The following ADGRG6 variants were observed in gnomAD, a reference collection of about 807,000 sequenced individuals.
ADGRG6 encodes G-protein coupled receptor 126.
Under a neutral mutation model 142.4 loss-of-function variants are expected in ADGRG6, and 84 were observed. The observed-to-expected ratio is 0.59, with a 90% CI of 0.49 to 0.71. ADGRG6 has a LOEUF of 0.71. ADGRG6 is among the 30% of genes least tolerant of loss of function. ADGRG6 has a pLI of 0.00. For missense variants in ADGRG6, 1,367 were observed against 1,466.6 expected, an observed-to-expected ratio of 0.93 and a Z score of 1.11; for synonymous variants, 521 against 520.5, an observed-to-expected ratio of 1.00 and a Z score of -0.01.
At chr6:142,347,629 A>C (rs995618347) in intron 2 of ADGRG6, among the ~76,000 whole-genome samples, 1 of 152,048 alleles carries the variant, frequency 6.6e-6, no homozygotes, top group Non-Finnish European at 1.5e-5. Context: ...ACTTGGGTGG[A>C]TATTACTATT....
At chr6:142,363,811 A>C (rs1039006602) in intron 2 of ADGRG6, among the ~76,000 whole-genome samples, 19 of 152,188 alleles carry the variant, frequency 1.2e-4, no homozygotes, top group African/African-American at 4.3e-4. Flanking sequence ...TGACTACTCC[A>C]AATTGGAAAA....
chr6:142,431,011 ATTACAATTAAAATGTTATTTATT>A, intron 22 of ADGRG6, among the ~76,000 whole-genome samples: 1 of 152,144 alleles, frequency 6.6e-6, no homozygotes, highest in East Asian at 1.9e-4. Context: ...CCCTTTCTCC[ATTACAATTAAAATGTTATTTATT>A]TTAAATGAGG....
intron 18 of ADGRG6, among the ~76,000 whole-genome samples, chr6:142,412,065 A>G (rs1267632725): frequency 6.6e-6 from 1 of 152,092 alleles, no homozygotes; most frequent in African/African-American, 2.4e-5. Flanking sequence ...CAGCTTGCCA[A>G]ACAGTTTTAA....
chr6:142,397,625 G>A lies in ADGRG6; in HGVS notation c.1437G>A (p.Trp479Ter). ...SLEDEPRLVL[W>*]ALLVYNATNN... The stretch of plus-strand genomic sequence containing the variant: ...AATGTTTCCCTAGGTTGGTGCTTTG[G>A]GCCCTTCTAGTTTACAATGCTACCA... The change falls in exon 10 of 25, where the codon TGG (tryptophan) becomes TGA (stop). Residue 479 changes from tryptophan to a stop codon, truncating the protein, a stop_gained. Coordinates refer to ENST00000367609, the MANE Select transcript of ADGRG6 (RefSeq NM_198569.3). LOFTEE classifies it high-confidence loss of function. 1 of 1,608,334 alleles carries A rather than the reference G, an allele frequency of 6.2e-7. No homozygotes were observed. The highest frequency in any genetic ancestry group is 8.5e-7 in the Non-Finnish European group (1 of 1,177,794).
At chr6:142,371,034 A>G in intron 4 of ADGRG6, 1 of 445,072 alleles carries the variant, frequency 2.2e-6, no homozygotes, top group South Asian at 3.4e-5. Context: ...TGGTTTTACC[A>G]TTCTTAAGTT....
chr6:142,373,881 CT>C (rs769498618), intron 4 of ADGRG6, among the ~76,000 whole-genome samples: 1,347 of 93,848 alleles, frequency 0.014, 11 homozygotes, highest in African/African-American at 0.03. Context: ...TTTTTCTTTT[CT>C]TTTTTTTTTT....
At chr6:142,355,988 A>G (rs1214702745) in intron 2 of ADGRG6, among the ~76,000 whole-genome samples, 1 of 152,220 alleles carries the variant, frequency 6.6e-6, no homozygotes, top group Non-Finnish European at 1.5e-5. Context: ...GTTGAAAGAT[A>G]GGAAGTTGAG....
Position 142,438,234 on chromosome 6 carries a change from T to G in ADGRG6, c.3444T>G (p.Asn1148Lys). 6 of 1,601,140 alleles carry G rather than the reference T, an allele frequency of 3.7e-6. No individual in the cohort carries two copies. Among genetic ancestry groups the G allele is most frequent in the Non-Finnish European group, 5.1e-6 (6 of 1,172,680 alleles). The change falls in exon 24 of 25, where the codon AAT (asparagine) becomes AAG (lysine). Residue 1148 changes from asparagine to lysine, a missense_variant. Transcript: ENST00000367609. ...CAGATTGGAGTAAGACAGCTACCAA[T>G]ATCATCAAGAAAAGTTCTGATAATC... ...DNSDWSKTAT[N>K]IIKKSSDNLG...
chr6:142,347,471 G>A (rs1779964220), intron 2 of ADGRG6, among the ~76,000 whole-genome samples: 1 of 152,142 alleles, frequency 6.6e-6, no homozygotes, highest in Non-Finnish European at 1.5e-5. Flanking sequence ...TGATCTGAGT[G>A]TGAATTAGAA....
rs759222863 is a variant in ADGRG6 at position 142,370,556 on chromosome 6, G to A, written c.832G>A (p.Asp278Asn). Residue 278 changes from aspartate (D) to asparagine (N), a missense_variant, in exon 4 of 25, where the codon GAT becomes AAT. Physicochemically the swap from Asp to Asn is conservative, Grantham distance 23 (BLOSUM62 1). Around this residue, in one of 3 missense-constraint regions of ADGRG6, gnomAD observed 737 missense variants for 746.5 expected, o/e 0.99. Transcript: ENST00000367609. ...AAGAAACTATGAAACAGTTCCATGT[G>A]ATTCTACCATTAGTAAAGTTATTCC... is the stretch of plus-strand genomic sequence containing the variant. ...FKRNYETVPC[D>N]STISKVIPGN... 1 of 1,612,952 alleles carries A rather than the reference G, an allele frequency of 6.2e-7. No homozygotes were observed. The highest frequency in any genetic ancestry group is 8.5e-7 in the Non-Finnish European group (1 of 1,179,162).
At chr6:142,416,346 G>A (rs1227582610) in intron 20 of ADGRG6, among the ~76,000 whole-genome samples, 7 of 152,144 alleles carry the variant, frequency 4.6e-5, no homozygotes, top group Non-Finnish European at 1.0e-4. Context: ...GCCCACCCAA[G>A]TCTGAAGAAG....
intron 4 of ADGRG6, among the ~76,000 whole-genome samples, chr6:142,377,393 C>A (rs1781552867): frequency 6.6e-6 from 1 of 152,234 alleles, no homozygotes; most frequent in Admixed American, 6.5e-5. Flanking sequence ...CCCGTGGCTC[C>A]ACCCACCTCC....
chr6:142,391,233 T>TC (rs2114972908), intron 7 of ADGRG6, among the ~76,000 whole-genome samples: 1 of 147,000 alleles, frequency 6.8e-6, no homozygotes, highest in African/African-American at 2.7e-5. Context: ...ATTTTTTCTA[T>TC]TATTTCATTT....
chr6:142,305,509 A>G (rs1039896394), intron 1 of ADGRG6, among the ~76,000 whole-genome samples: 1 of 151,092 alleles, frequency 6.6e-6, no homozygotes, highest in African/African-American at 2.4e-5. Flanking sequence ...TTGTATGCAT[A>G]AGGGCTTAAG....
At chr6:142,373,881 C>CTTTTTTTTTTTTTTTTTTTTTT (rs769498618) in intron 4 of ADGRG6, among the ~76,000 whole-genome samples, 4 of 93,866 alleles carry the variant, frequency 4.3e-5, no homozygotes, top group Non-Finnish European at 6.6e-5. Context: ...TTTTTCTTTT[C>CTTTTTTTTTTTTTTTTTTTTTT]TTTTTTTTTT....
At chr6:142,358,523 G>A (rs921035215) in intron 2 of ADGRG6, among the ~76,000 whole-genome samples, 8 of 152,188 alleles carry the variant, frequency 5.3e-5, no homozygotes, top group African/African-American at 2.4e-5. Context: ...TCATTTGTCA[G>A]GTCCTTAGAA....
rs1348295764 is a variant in ADGRG6 at position 142,390,821 on chromosome 6, C to A, written c.1308+478C>A. Among the ~76,000 whole-genome samples the A allele has an allele frequency of 2.6e-5, 4 of 151,876 alleles. No individual in the cohort carries two copies. In the East Asian group the frequency reaches 5.8e-4, roughly 22 times the overall value. On this transcript the variant is annotated intron_variant, in intron 7 of 24. Transcript: ENST00000367609. The stretch of plus-strand genomic sequence containing the variant: ...CACTATTAGTTTTCTCCGCTTTTTT[C>A]CAGATTTCTTTGTGCACATGAAAGA...
chr6:142,324,051 C>G (rs1778645179), intron 2 of ADGRG6, among the ~76,000 whole-genome samples: 1 of 152,076 alleles, frequency 6.6e-6, no homozygotes, highest in Non-Finnish European at 1.5e-5. Flanking sequence ...TCTCTTCCCT[C>G]CAGACTTCTT....
At position 142,415,764 on chromosome 6, in the gene ADGRG6, T is replaced by C. The variant is rs932047658; in HGVS notation, c.2670-32T>C. 7 of 1,522,444 alleles carry C rather than the reference T, an allele frequency of 4.6e-6. No homozygotes were observed. The African/African-American group carries it at 9.6e-5, about 21-fold the overall frequency. 94.3% of individuals were successfully genotyped at this position (1,522,444 alleles called of 1,614,324 possible). A position where few individuals can be genotyped will look rare whatever the true frequency, so the allele number is the denominator to read the frequency against. On this transcript the variant is annotated intron_variant, in intron 19 of 24. Coordinates refer to ENST00000367609, the MANE Select transcript of ADGRG6 (RefSeq NM_198569.3). ...TTAAAAGATTGATATACAGTATTAG[T>C]TCTCTCATAGATTCCTTTTTTCATT...
Sources: allele counts gnomAD v4.1 joint callset (sites outside exome capture counted in the v4.1 genomes callset), GRCh38; gene constraint gnomAD v4.1.1; regional missense constraint gnomAD v4.1.1; transcripts MANE v1.5; gene names NCBI Gene and HGNC (gene_info 2026-07-23, HGNC 2026-07-21).